The following RBM25 variants were observed in gnomAD, a reference collection of about 807,000 sequenced individuals.
RBM25 encodes the protein RNA binding motif protein 25, also known as RNA-binding protein 25.
RBM25 carries 19 observed loss-of-function variants against 120.7 expected under a neutral mutation model. The observed-to-expected ratio is 0.16, with a 90% CI of 0.11 to 0.23. The LOEUF (loss-of-function observed/expected upper bound fraction) is 0.23, where lower values mean the gene tolerates loss of function less well. RBM25 is among the 10% of genes least tolerant of loss of function. The pLI, the probability that RBM25 is intolerant of heterozygous loss-of-function variation, is 1.00. For synonymous variants in RBM25, 390 were observed against 326.7 expected, an observed-to-expected ratio of 1.19 and a Z score of -2.09; for missense variants, 605 against 1,041.5, an observed-to-expected ratio of 0.58 and a Z score of 5.77.
intron 18 of RBM25, among the ~76,000 whole-genome samples, chr14:73,118,549 A>T (rs1477213266): frequency 6.6e-6 from 1 of 151,958 alleles, no homozygotes; most frequent in Non-Finnish European, 1.5e-5. Flanking sequence ...TTATTATGTA[A>T]TTGTATATTA....
intron 6 of RBM25, chr14:73,088,378 G>A: frequency 1.5e-6 from 1 of 676,484 alleles, no homozygotes; most frequent in Non-Finnish European, 2.6e-6. Flanking sequence ...AGGTTGGGAT[G>A]AAAGTAGTAA....
intron 10 of RBM25, among the ~76,000 whole-genome samples, chr14:73,105,064 C>CACACACACACACACACACAG (rs545944867): frequency 6.7e-6 from 1 of 149,164 alleles, no homozygotes; most frequent in Non-Finnish European, 1.5e-5. Flanking sequence ...CACACACACA[C>CACACACACACACACACACAG]AGAGTTATTT....
At position 73,122,634 on chromosome 14, in the gene RBM25, TTTTC is replaced by T. The variant is rs1351125247; in HGVS notation, c.*2833_*2836del. ...TGGCAAAAAAGTAGTAGAATACTAC[TTTTC>T]TTTATTTGTCCCTAAAAATAAAGTA... On this transcript the variant is annotated 3_prime_UTR_variant, in exon 19 of 19. Coordinates refer to ENST00000261973, the MANE Select transcript of RBM25 (RefSeq NM_021239.3). 3 of 152,204 alleles carry T rather than the reference TTTTC, an allele frequency of 2.0e-5. No individual in the cohort carries two copies. The South Asian group carries it at 6.2e-4, about 32-fold the overall frequency. 9.4% of individuals were successfully genotyped at this position (152,204 alleles called of 1,614,324 possible). A position where few individuals can be genotyped will look rare whatever the true frequency, so the allele number is the denominator to read the frequency against.
intron 10 of RBM25, among the ~76,000 whole-genome samples, chr14:73,103,967 C>A (rs1896121172): frequency 6.9e-6 from 1 of 143,902 alleles, no homozygotes; most frequent in South Asian, 2.3e-4. Flanking sequence ...CACACACACA[C>A]ACACACACAC....
At chr14:73,113,900 TCTTAA>T (rs1352171335) in intron 17 of RBM25, among the ~76,000 whole-genome samples, 2 of 152,176 alleles carry the variant, frequency 1.3e-5, no homozygotes, top group African/African-American at 2.4e-5. Flanking sequence ...GAAAACATAG[TCTTAA>T]CTTTAATAAA....
chr14:73,114,238 G>A lies in RBM25; in HGVS notation c.2392-48G>A, dbSNP rs751218411. 8.9e-6 allele frequency: 12 copies of A among 1,351,440 alleles called. No individual in the cohort carries two copies. The African/African-American group carries it at 1.7e-4, about 19-fold the overall frequency. The allele number at this position is 1,351,440 out of a possible 1,614,324, so 83.7% of individuals were successfully genotyped here. A position where few individuals can be genotyped will look rare whatever the true frequency, so the allele number is the denominator to read the frequency against. On this transcript the variant is annotated intron_variant, in intron 17 of 18. Coordinates refer to ENST00000261973, the MANE Select transcript of RBM25 (RefSeq NM_021239.3). ...TACCTTAAAATTTCTTGACTGTATT[G>A]TTAATTTTTTATTTATTTTTAATGT...
chr14:73,080,459 G>A (rs184031600), intron 4 of RBM25, among the ~76,000 whole-genome samples: 9 of 152,046 alleles, frequency 5.9e-5, no homozygotes, highest in African/African-American at 1.2e-4. Flanking sequence ...TCCTGACCTC[G>A]TGATCTGCCC....
chr14:73,097,196 C>CTTTTTTTTTTTT lies in RBM25; in HGVS notation c.729+107_729+118dup. On this transcript the variant is annotated intron_variant, in intron 7 of 18. Transcript: ENST00000261973. ...ACATGTCAGTTTTCTTTTTTCTTTTCTTTTTTTTTTTTTTTTTTTTTTGAG... is the reference window on the plus strand; with the variant it reads ...ACATGTCAGTTTTCTTTTTTCTTTTCTTTTTTTTTTTTTTTTTTTTTTTTTTTTTTTTTTGAG... 5.1e-3 allele frequency: 718 copies of CTTTTTTTTTTTT among 140,044 alleles called. 29 individuals are homozygous for CTTTTTTTTTTTT. The highest frequency in any genetic ancestry group is 0.011 in the African/African-American group (178 of 15,634). 8.7% of individuals were successfully genotyped at this position (140,044 alleles called of 1,614,324 possible). A position where few individuals can be genotyped will look rare whatever the true frequency, so the allele number is the denominator to read the frequency against.
chr14:73,070,587 A>G (rs1895262282), intron 1 of RBM25, among the ~76,000 whole-genome samples: 1 of 152,074 alleles, frequency 6.6e-6, no homozygotes, highest in Non-Finnish European at 1.5e-5. Context: ...TCTCTTAGGT[A>G]GTGGCCAGCA....
chr14:73,079,175 C>G (rs569659244), intron 4 of RBM25, among the ~76,000 whole-genome samples: 1 of 150,552 alleles, frequency 6.6e-6, no homozygotes, highest in African/African-American at 2.4e-5. Flanking sequence ...GTAATCCCGG[C>G]ACTTTGCGGG....
At position 73,120,011 on chromosome 14, in the gene RBM25, C is replaced by T. The variant is rs535248066; in HGVS notation, c.*206C>T. The T allele has an allele frequency of 3.2e-5, 20 of 628,786 alleles. No individual in the cohort carries two copies. The highest frequency in any genetic ancestry group is 4.1e-5 in the Non-Finnish European group (17 of 415,722). 39.0% of individuals were successfully genotyped at this position (628,786 alleles called of 1,614,324 possible). On this transcript the variant is annotated 3_prime_UTR_variant, in exon 19 of 19. Transcript: ENST00000261973. ...ATCTGAATCCTTGGTTCTCTTTATA[C>T]TCACCAGGTACAAATTACTGGTATG... is the stretch of plus-strand genomic sequence containing the variant.
At position 73,071,673 on chromosome 14, in the gene RBM25, C is replaced by T. The variant is rs1488514206; in HGVS notation, c.32C>T (p.Pro11Leu). The T allele has an allele frequency of 6.2e-7, 1 of 1,613,988 alleles. No homozygotes were observed. Among genetic ancestry groups the T allele is most frequent in the Non-Finnish European group, 8.5e-7 (1 of 1,179,934 alleles). Reference protein sequence around the residue: MSFPPHLNRPPMGIPALPPGI... With the variant: MSFPPHLNRPLMGIPALPPGI... The stretch of plus-strand genomic sequence containing the variant: ...TTTCCACCTCATTTGAATCGCCCTC[C>T]CATGGGAATCCCAGCACTCCCACCA... Residue 11 changes from proline to leucine, a missense_variant, in exon 2 of 19, where the codon CCC (proline) becomes CTC (leucine). Transcript: ENST00000261973.
rs190366171 is a variant in RBM25, at chr14:73,072,042, C to A, written c.106+295C>A. 2.5e-3 allele frequency among the ~76,000 whole-genome samples: 374 copies of A among 151,942 alleles called. 2 individuals are homozygous for A. Among genetic ancestry groups the A allele is most frequent in the African/African-American group, 7.8e-3 (325 of 41,440 alleles). ...GGCTGGAGTGCAGTGGCACGATCTC[C>A]GCTCACTGCAACCTCCACCTCCTAG... is the stretch of plus-strand genomic sequence containing the variant. On this transcript the variant is annotated intron_variant, in intron 2 of 18. Coordinates refer to ENST00000261973, the MANE Select transcript of RBM25 (RefSeq NM_021239.3).
At chr14:73,071,395 T>C (rs191474645) in intron 1 of RBM25, among the ~76,000 whole-genome samples, 137 of 152,282 alleles carry the variant, frequency 9.0e-4, no homozygotes, top group African/African-American at 3.2e-3. Flanking sequence ...TATGTATTCC[T>C]ACATGATTGT....
intron 14 of RBM25, among the ~76,000 whole-genome samples, chr14:73,109,739 G>A (rs1896267498): frequency 3.9e-5 from 6 of 152,018 alleles, no homozygotes; most frequent in Admixed American, 3.9e-4. Flanking sequence ...CTTGCAGTGA[G>A]CCGAGATCGC....
chr14:73,059,947 G>A (rs1594890018), intron 1 of RBM25, among the ~76,000 whole-genome samples: 4 of 152,134 alleles, frequency 2.6e-5, no homozygotes, highest in Non-Finnish European at 1.5e-5. Context: ...ACACACATAA[G>A]CATTTAAATC....
At chr14:73,118,289 A>G (rs1298660889) in intron 18 of RBM25, among the ~76,000 whole-genome samples, 1 of 152,106 alleles carries the variant, frequency 6.6e-6, no homozygotes, top group East Asian at 1.9e-4. Flanking sequence ...CAGCCTGGGC[A>G]ACATAGTGAG....
chr14:73,118,627 C>T (rs768684235), intron 18 of RBM25, among the ~76,000 whole-genome samples: 2 of 151,872 alleles, frequency 1.3e-5, no homozygotes, highest in Non-Finnish European at 2.9e-5. Flanking sequence ...GTAGTTTTGT[C>T]AGACATGTAT....
intron 5 of RBM25, among the ~76,000 whole-genome samples, chr14:73,083,901 T>C (rs1820031435): frequency 6.6e-6 from 1 of 150,794 alleles, no homozygotes; most frequent in South Asian, 2.1e-4. Flanking sequence ...CTGTTAACTT[T>C]TTTTTTTTTT....
Sources: allele counts gnomAD v4.1 joint callset (sites outside exome capture counted in the v4.1 genomes callset), GRCh38; gene constraint gnomAD v4.1.1; transcripts MANE v1.5; gene names NCBI Gene and HGNC (gene_info 2026-07-23, HGNC 2026-07-21).